Variants in ARHGAP25 observed in about 807,000 individuals in gnomAD.
ARHGAP25 encodes the protein rho GTPase-activating protein 25.
A neutral mutation model predicts 71.0 loss-of-function variants in ARHGAP25; 34 were observed. The observed-to-expected ratio is 0.48, with a 90% CI of 0.36 to 0.64. The LOEUF is 0.64. Ranked by LOEUF, ARHGAP25 falls within the 30% of genes least tolerant of loss-of-function variation. The pLI is 0.00. For missense variants in ARHGAP25, 706 were observed against 805.1 expected (o/e 0.88, Z 1.49); for synonymous variants, 282 against 296.5 (o/e 0.95, Z 0.50).
intron 1 of ARHGAP25, among the ~76,000 whole-genome samples, chr2:68,773,798 G>A (rs1198792924): frequency 3.3e-5 from 5 of 152,186 alleles, no homozygotes. Flanking sequence ...CCTTTTAGTA[G>A]GAAGTAAAGT....
Position 68,779,204 on chromosome 2 carries a change from G to A in ARHGAP25, c.262-3029G>A, listed in dbSNP as rs143834485. Among the ~76,000 whole-genome samples, 859 of 152,300 alleles carry A rather than the reference G, an allele frequency of 5.6e-3. 34 individuals carry two copies. Among genetic ancestry groups the A allele is most frequent in the Admixed American group, 0.046 (706 of 15,304 alleles). ...CCCTCTGATGGGAGAGCCGATTGAA[G>A]GGCAACATTTGCTAATTTCTGTGTG... On this transcript the variant is annotated intron_variant, in intron 2 of 10. Transcript: ENST00000409202.
At chr2:68,721,476 T>C (rs12466774) in intron 2 of ARHGAP25, among the ~76,000 whole-genome samples, 1 of 152,064 alleles carries the variant, frequency 6.6e-6, no homozygotes, top group African/African-American at 2.4e-5. Flanking sequence ...TGAGAAGGAA[T>C]TGGATTTGAA....
chr2:68,824,913 T>G (rs1479111948), intron 10 of ARHGAP25, among the ~76,000 whole-genome samples: 1 of 152,154 alleles, frequency 6.6e-6, no homozygotes, highest in African/African-American at 2.4e-5. Flanking sequence ...GTCTCCCTTG[T>G]GCAAATGGGC....
chr2:68,751,346 C>T (rs1304204995), intron 1 of ARHGAP25, among the ~76,000 whole-genome samples: 3 of 152,138 alleles, frequency 2.0e-5, no homozygotes, highest in African/African-American at 7.2e-5. Context: ...AAAACTCAGG[C>T]ATGTAAAACA....
intron 3 of ARHGAP25, among the ~76,000 whole-genome samples, chr2:68,784,510 T>C (rs572275503): frequency 6.6e-6 from 1 of 152,100 alleles, no homozygotes; most frequent in Admixed American, 6.6e-5. Context: ...TTTTTTTTAA[T>C]TGGGGGCAGG....
intron 1 of ARHGAP25, among the ~76,000 whole-genome samples, chr2:68,737,261 C>T (rs1675270019): frequency 6.6e-6 from 1 of 152,184 alleles, no homozygotes; most frequent in African/African-American, 2.4e-5. Context: ...CTCCAGCATC[C>T]TGTGTCCAGG....
At chr2:68,742,204 T>C (rs1281730971) in intron 1 of ARHGAP25, among the ~76,000 whole-genome samples, 1 of 152,242 alleles carries the variant, frequency 6.6e-6, no homozygotes, top group African/African-American at 2.4e-5. Context: ...AATTTTGGCC[T>C]ATGGTGGCTG....
At chr2:68,754,755 G>A (rs1676380741) in intron 1 of ARHGAP25, among the ~76,000 whole-genome samples, 1 of 152,076 alleles carries the variant, frequency 6.6e-6, no homozygotes. Flanking sequence ...GATATTGTTA[G>A]TTTTTTAAAA....
At position 68,735,106 on chromosome 2, in the gene ARHGAP25, C is replaced by A. The variant is rs921129671; in HGVS notation, c.-94C>A. The A allele has an allele frequency of 9.0e-7, 1 of 1,111,878 alleles. No homozygotes were observed. The highest frequency in any genetic ancestry group is 1.4e-6 in the Non-Finnish European group (1 of 723,684). The allele number at this position is 1,111,878 out of a possible 1,614,324, so 68.9% of individuals were successfully genotyped here. ...AATCATAAGGAGGAACAAAAACAGACACAAAAACAGAGGGAAAGAGTGAAA... is the reference window on the plus strand; with the variant it reads ...AATCATAAGGAGGAACAAAAACAGAAACAAAAACAGAGGGAAAGAGTGAAA... On this transcript the variant is annotated 5_prime_UTR_variant, in exon 1 of 11. Coordinates refer to ENST00000409202, the MANE Select transcript of ARHGAP25 (RefSeq NM_001007231.3).
chr2:68,726,644 A>G (rs914239184), intron 2 of ARHGAP25, among the ~76,000 whole-genome samples: 1 of 152,236 alleles, frequency 6.6e-6, no homozygotes, highest in Non-Finnish European at 1.5e-5. Context: ...ACACTTAGAA[A>G]AAATAAAGAT....
At chr2:68,722,493 G>C (rs567564503) in intron 2 of ARHGAP25, among the ~76,000 whole-genome samples, 7 of 151,188 alleles carry the variant, frequency 4.6e-5, no homozygotes, top group Admixed American at 4.0e-4. Flanking sequence ...CAGGAGAATC[G>C]CTTGAACCAG....
chr2:68,775,299 C>T lies in ARHGAP25; in HGVS notation c.140C>T (p.Pro47Leu). 1 of 1,614,236 alleles carries T rather than the reference C, an allele frequency of 6.2e-7. No homozygotes were observed. Among genetic ancestry groups the T allele is most frequent in the East Asian group, 2.2e-5 (1 of 44,884 alleles). Residue 47 changes from proline (P) to leucine (L), a missense_variant, in exon 2 of 11, where the codon CCC becomes CTC. Physicochemically the swap from Pro to Leu is moderately conservative, Grantham distance 98. Coordinates refer to ENST00000409202, the MANE Select transcript of ARHGAP25 (RefSeq NM_001007231.3). ...TCCACCCCCAACCCGCTGGAGAGGC[C>T]CATCAAGATGGGCTGGCTGAAGAAG... is the stretch of plus-strand genomic sequence containing the variant. Reference protein sequence around the residue: ...PSSTPNPLERPIKMGWLKKQR... With the variant: ...PSSTPNPLERLIKMGWLKKQR...
chr2:68,765,697 TATC>T (rs1677080455), intron 1 of ARHGAP25, among the ~76,000 whole-genome samples: 1 of 152,256 alleles, frequency 6.6e-6, no homozygotes, highest in Non-Finnish European at 1.5e-5. Context: ...AATTCATTGG[TATC>T]ATCTATCCTT....
intron 1 of ARHGAP25, among the ~76,000 whole-genome samples, chr2:68,765,514 C>T (rs890205678): frequency 3.9e-5 from 6 of 152,146 alleles, no homozygotes; most frequent in Non-Finnish European, 8.8e-5. Context: ...CAGAATATTT[C>T]GTCACATTGT....
intron 1 of ARHGAP25, among the ~76,000 whole-genome samples, chr2:68,742,968 T>C (rs1675598244): frequency 6.6e-6 from 1 of 152,230 alleles, no homozygotes; most frequent in Non-Finnish European, 1.5e-5. Context: ...CTTTTTGCTT[T>C]GTTTTGTTTG....
rs771190403 is a variant in ARHGAP25 at position 68,822,532 on chromosome 2, A to T, written c.1393A>T (p.Ile465Phe). The change falls in exon 10 of 11, where the codon ATC becomes TTC. Residue 465 changes from isoleucine to phenylalanine, a missense_variant. Physicochemically the swap from Ile to Phe is conservative, Grantham distance 21 (BLOSUM62 0). Transcript: ENST00000409202. ...GGGTGCCAACAGCAGCAAAATGGAG[A>T]TCTTTAAAAATGAATTCTGGTCGCC... ...FQGANSSKME[I>F]FKNEFWSPSS... 1 of 1,614,072 alleles carries T rather than the reference A, an allele frequency of 6.2e-7. No individual in the cohort carries two copies. The highest frequency in any genetic ancestry group is 1.3e-5 in the African/African-American group (1 of 74,924).
chr2:68,720,316 C>CAAAAAAAAAAAAAAAGAAAA (rs1674726360), intron 2 of ARHGAP25, among the ~76,000 whole-genome samples: 1 of 75,690 alleles, frequency 1.3e-5, no homozygotes, highest in African/African-American at 5.9e-5. Context: ...ACATTTCAGT[C>CAAAAAAAAAAAAAAAGAAAA]AAAAAAAAAA....
At chr2:68,717,724 A>G (rs1385733534) in intron 2 of ARHGAP25, among the ~76,000 whole-genome samples, 1 of 152,224 alleles carries the variant, frequency 6.6e-6, no homozygotes, top group Non-Finnish European at 1.5e-5. Context: ...CAATGGCAGA[A>G]AAGTTCTGGT....
chr2:68,766,732 CTT>C lies in ARHGAP25; in HGVS notation c.62-8488_62-8487del, dbSNP rs745700832. ...TCTCCCCTTCTCTCTCTCTCTCTCT[CTT>C]GTTCTCACTCTCTGTCATTCTCTCT... On this transcript the variant is annotated intron_variant, in intron 1 of 10. Coordinates refer to ENST00000409202, the MANE Select transcript of ARHGAP25 (RefSeq NM_001007231.3). Among the ~76,000 whole-genome samples, 1,074 of 152,062 alleles carry C rather than the reference CTT, an allele frequency of 7.1e-3. 14 individuals are homozygous for C. Among genetic ancestry groups the C allele is most frequent in the African/African-American group, 0.024 (991 of 41,408 alleles).
Sources: gnomAD v4.1 joint callset for allele counts (sites outside exome capture counted in the v4.1 genomes callset) on GRCh38, gnomAD v4.1.1 for gene constraint, MANE v1.5 for transcripts, NCBI Gene and HGNC (gene_info 2026-07-23, HGNC 2026-07-21) for gene names.